URB2: variants seen among roughly 807,000 people sequenced by gnomAD.
URB2 encodes the protein URB2 ribosome biogenesis homolog.
A neutral mutation model predicts 120.9 loss-of-function variants in URB2; 86 were observed. That is an observed-to-expected ratio of 0.71 (90% CI 0.60 to 0.85). The LOEUF is 0.85. Among genes scored for constraint, URB2 ranks in the 40% least tolerant of loss-of-function variants. URB2 has a pLI of 0.00. For synonymous variants in URB2, 755 were observed against 758.4 expected (o/e 1.00, Z 0.07); for missense variants, 1,765 against 1,836.5 (o/e 0.96, Z 0.71).
At position 229,647,556 on chromosome 1, in the gene URB2, T is replaced by C. The variant is rs371627284; in HGVS notation, c.3953T>C (p.Val1318Ala). The C allele has an allele frequency of 5.5e-5, 89 of 1,614,186 alleles. No homozygotes were observed. Among genetic ancestry groups the C allele is most frequent in the African/African-American group, 3.1e-4 (23 of 75,054 alleles). Residue 1318 changes from valine to alanine, a missense_variant, in exon 7 of 10, where the codon GTG becomes GCG. Val to Ala is a moderately conservative substitution (Grantham distance 64, BLOSUM62 0). Coordinates refer to ENST00000258243, the MANE Select transcript of URB2 (RefSeq NM_014777.4). The part of the protein sequence containing the change: ...ASQEQPVSLT[V>A]VGPVLDVLAA... ...CAGGAGCAGCCTGTGTCCCTCACAGTGGTCGGGCCTGTCTTAGATGTCCTG... is the reference window on the plus strand; with the variant it reads ...CAGGAGCAGCCTGTGTCCCTCACAGCGGTCGGGCCTGTCTTAGATGTCCTG...
Position 229,637,241 on chromosome 1 carries a change from C to T in URB2, c.2628C>T (p.Ser876=). The T allele has an allele frequency of 1.9e-6, 3 of 1,613,840 alleles. No individual in the cohort carries two copies. Among genetic ancestry groups the T allele is most frequent in the African/African-American group, 2.7e-5 (2 of 75,036 alleles). ...GAGAAATTGCCCAGAACTTACTGTC[C>T]CTGGTCAAGAGTGACTTCCCTATCC... The part of the protein sequence containing the change: ...PRGEIAQNLL[S]LVKSDFPIQL... Residue 876 remains serine (S), a synonymous_variant, in exon 4 of 10, where the codon TCC becomes TCT. Coordinates refer to ENST00000258243, the MANE Select transcript of URB2 (RefSeq NM_014777.4).
chr1:229,628,187 T>C lies in URB2; in HGVS notation c.126+428T>C, dbSNP rs61825534. 2.2e-3 allele frequency among the ~76,000 whole-genome samples: 151 copies of C among 67,564 alleles called. 1 individual carries two copies. The highest frequency in any genetic ancestry group is 0.022 in the South Asian group (44 of 2,008). The allele number at this position is 67,564 out of a possible 152,430, so 44.3% of individuals were successfully genotyped here. A position where few individuals can be genotyped will look rare whatever the true frequency, so the allele number is the denominator to read the frequency against. On this transcript the variant is annotated intron_variant, in intron 2 of 9. Transcript: ENST00000258243. ...GTATAGTATATATGTATATAATATATATAATATATATGTATATATATTATA... is the reference window on the plus strand; with the variant it reads ...GTATAGTATATATGTATATAATATACATAATATATATGTATATATATTATA...
chr1:229,628,209 T>C (rs567702685), intron 2 of URB2, among the ~76,000 whole-genome samples: 2 of 143,574 alleles, frequency 1.4e-5, no homozygotes, highest in African/African-American at 5.2e-5. Flanking sequence ...GTATATATAT[T>C]ATACATATAC....
At position 229,626,298 on chromosome 1, in the gene URB2, C is replaced by T. The variant is rs74649410; in HGVS notation, c.-72C>T. Reference sequence around the variant, plus strand: ...CAGCAGCCGCCGCCGCTGCCGCCGTCCTCCCCTGTCTACCCGGAGCTGTCT... The same window carrying T: ...CAGCAGCCGCCGCCGCTGCCGCCGTTCTCCCCTGTCTACCCGGAGCTGTCT... On this transcript the variant is annotated 5_prime_UTR_variant, in exon 1 of 10. Coordinates refer to ENST00000258243, the MANE Select transcript of URB2 (RefSeq NM_014777.4). The T allele has an allele frequency of 7.3e-4, 112 of 154,074 alleles. No homozygotes were observed. The East Asian group carries it at 0.019, about 26-fold the overall frequency. 9.5% of individuals were successfully genotyped at this position (154,074 alleles called of 1,614,324 possible).
At chr1:229,643,202 A>C (rs1666055025) in intron 4 of URB2, among the ~76,000 whole-genome samples, 1 of 152,200 alleles carries the variant, frequency 6.6e-6, no homozygotes, top group Non-Finnish European at 1.5e-5. Flanking sequence ...CCCATGTATA[A>C]GTGGATCCAT....
At chr1:229,627,868 G>A (rs1665551663) in intron 2 of URB2, 109 bp downstream of exon 2, 2 of 1,337,926 alleles carry the variant, frequency 1.5e-6, no homozygotes, top group Non-Finnish European at 9.9e-7. Flanking sequence ...AAAAAGTTGG[G>A]GAGGGAACTT....
intron 4 of URB2, among the ~76,000 whole-genome samples, chr1:229,641,832 G>A (rs1161245507): frequency 6.6e-6 from 1 of 152,106 alleles, no homozygotes; most frequent in Admixed American, 6.5e-5. Flanking sequence ...GACCAACCTG[G>A]GTGAAAAAGC....
Position 229,627,659 on chromosome 1 carries a change from C to G in URB2, c.26C>G (p.Ser9Cys). ...ATGGCTGCTGTTTATTCTGGCATTT[C>G]CCTTAAGCTTAAAAGCAAGACAACT... MAAVYSGI[S>C]LKLKSKTTSW... The change falls in exon 2 of 10, where the codon TCC becomes TGC. Residue 9 changes from serine to cysteine, a missense_variant. Physicochemically the swap from Ser to Cys is moderately radical, Grantham distance 112. Transcript: ENST00000258243. 6.2e-7 allele frequency: 1 copy of G among 1,613,034 alleles called. No individual in the cohort carries two copies. Among genetic ancestry groups the G allele is most frequent in the Non-Finnish European group, 8.5e-7 (1 of 1,179,520 alleles).
At chr1:229,630,370 G>A (rs145139257) in intron 2 of URB2, among the ~76,000 whole-genome samples, 4 of 152,302 alleles carry the variant, frequency 2.6e-5, no homozygotes, top group African/African-American at 7.2e-5. Context: ...TCATCTCCTT[G>A]TACATCTCCA....
chr1:229,636,069 A>G lies in URB2; in HGVS notation c.1456A>G (p.Arg486Gly). The G allele has an allele frequency of 6.2e-7, 1 of 1,614,242 alleles. No homozygotes were observed. ...CTGTCGTCCAGCTGCTGAGGCACTG[A>G]GGCAGCCTGTGCTGGCCTCGGGCCC... ...VICRPAAEAL[R>G]QPVLASGPST... is the part of the protein sequence containing the mutation. Residue 486 changes from arginine to glycine, a missense_variant, in exon 4 of 10, where the codon AGG becomes GGG. Physicochemically the swap from Arg to Gly is moderately radical, Grantham distance 125. Transcript: ENST00000258243.
chr1:229,647,070 G>A (rs956169628), intron 6 of URB2, among the ~76,000 whole-genome samples: 5 of 152,304 alleles, frequency 3.3e-5, no homozygotes, highest in African/African-American at 4.8e-5. Flanking sequence ...TTGATGATGC[G>A]TGTGGTAGGC....
chr1:229,636,978 G>GA lies in URB2; in HGVS notation c.2371dup (p.Ile791AsnfsTer8). ...AGATGAAGAGGCATACATCACACTG[G>GA]AAAAAATATCCAAAGCCTTCCTTCA... On this transcript the variant is annotated frameshift_variant, in exon 4 of 10. Transcript: ENST00000258243. LOFTEE classifies it high-confidence loss of function. 1 of 1,614,072 alleles carries GA rather than the reference G, an allele frequency of 6.2e-7. No homozygotes were observed. Among genetic ancestry groups the GA allele is most frequent in the Non-Finnish European group, 8.5e-7 (1 of 1,180,004 alleles).
Position 229,635,484 on chromosome 1 carries a change from T to C in URB2, c.871T>C (p.Cys291Arg), listed in dbSNP as rs1404157660. The stretch of plus-strand genomic sequence containing the variant: ...TAACAGGCTGGTTGATGCTGGCTAC[T>C]GTGCAGCATCCCTTCATACCTCTGT... The part of the protein sequence containing the change: ...VLNRLVDAGY[C>R]AASLHTSVVA... The change falls in exon 4 of 10, where the codon TGT (cysteine) becomes CGT (arginine). Residue 291 changes from cysteine to arginine, a missense_variant. Transcript: ENST00000258243. 1.2e-6 allele frequency: 2 copies of C among 1,613,282 alleles called. No individual in the cohort carries two copies. Among genetic ancestry groups the C allele is most frequent in the East Asian group, 2.2e-5 (1 of 44,870 alleles).
At position 229,637,363 on chromosome 1, in the gene URB2, A is replaced by G. The variant is rs1407052760; in HGVS notation, c.2750A>G (p.Tyr917Cys). The change falls in exon 4 of 10, where the codon TAT becomes TGT. Residue 917 changes from tyrosine to cysteine, a missense_variant. Physicochemically the swap from Tyr to Cys is radical, Grantham distance 194. Coordinates refer to ENST00000258243, the MANE Select transcript of URB2 (RefSeq NM_014777.4). ...DSLLPPYHVH[Y>C]FLVLLSMAVT... ...CTCTTGCCACCCTATCATGTGCATT[A>G]TTTTCTTGTGTTACTGTCCATGGCC... The G allele has an allele frequency of 6.2e-7, 1 of 1,613,720 alleles. No homozygotes were observed. Among genetic ancestry groups the G allele is most frequent in the African/African-American group, 1.3e-5 (1 of 74,786 alleles).
chr1:229,650,379 T>G (rs1666239333), intron 7 of URB2, among the ~76,000 whole-genome samples: 2 of 152,186 alleles, frequency 1.3e-5, no homozygotes, highest in African/African-American at 4.8e-5. Context: ...TGGTTGTGAT[T>G]CAGACCTAAA....
intron 7 of URB2, among the ~76,000 whole-genome samples, chr1:229,650,206 C>A (rs979304149): frequency 2.6e-5 from 4 of 152,310 alleles, no homozygotes; most frequent in South Asian, 2.1e-4. Flanking sequence ...TGGGTGTGTG[C>A]TGTGTCTCCA....
rs767343484 is a variant in URB2, at chr1:229,636,494, T to A, written c.1881T>A (p.Tyr627Ter). The A allele has an allele frequency of 6.2e-7, 1 of 1,614,226 alleles. No homozygotes were observed. Among genetic ancestry groups the A allele is most frequent in the Non-Finnish European group, 8.5e-7 (1 of 1,180,034 alleles). The change falls in exon 4 of 10, where the codon TAT becomes TAA. Residue 627 changes from tyrosine to a stop codon, truncating the protein, a stop_gained. Transcript: ENST00000258243. LOFTEE classifies it high-confidence loss of function. ...DAMFSLNCSQ[Y>*]HSMSGPLIGV... ...TGTTCAGTTTGAACTGTAGCCAGTA[T>A]CACTCTATGTCTGGGCCCCTTATAG...
At chr1:229,629,244 A>G (rs555140124) in intron 2 of URB2, among the ~76,000 whole-genome samples, 1 of 152,366 alleles carries the variant, frequency 6.6e-6, no homozygotes, top group East Asian at 1.9e-4. Flanking sequence ...CAGATGATGT[A>G]TAAATATTAG....
intron 7 of URB2, 23 bp from the exon 8 acceptor site, chr1:229,651,212 C>T (rs2102797749): frequency 1.3e-6 from 2 of 1,582,312 alleles, no homozygotes; most frequent in Non-Finnish European, 8.6e-7. Flanking sequence ...TGTACTTTTA[C>T]ATTCTGTTAT....
Sources: gnomAD v4.1 joint callset for allele counts (sites outside exome capture counted in the v4.1 genomes callset) on GRCh38, gnomAD v4.1.1 for gene constraint, MANE v1.5 for transcripts, NCBI Gene and HGNC (gene_info 2026-07-23, HGNC 2026-07-21) for gene names.